The following CRYBG3 variants were observed in gnomAD, a reference collection of about 807,000 sequenced individuals.
CRYBG3 encodes very large A-kinase anchor protein.
A neutral mutation model predicts 244.2 loss-of-function variants in CRYBG3; 127 were observed. The ratio of observed to expected loss-of-function variants is 0.52; its 90% CI spans 0.45 to 0.60. CRYBG3 has a LOEUF of 0.60. Among genes scored for constraint, CRYBG3 ranks in the 20% least tolerant of loss-of-function variants. The probability of loss-of-function intolerance (pLI) is 0.00; values close to 1 mark genes in which losing one functional copy is unlikely to be tolerated. For synonymous variants in CRYBG3, 1,132 were observed against 1,195.8 expected, an observed-to-expected ratio of 0.95 and a Z score of 1.10; for missense variants, 3,325 against 3,442.5, an observed-to-expected ratio of 0.97 and a Z score of 0.85.
In CRYBG3 at chr3:97,875,138, T is replaced by C; in HGVS notation, c.3944T>C (p.Val1315Ala). ...GAATTAGTCAATGAGATTATTTATG[T>C]AGCCCAAGAAAAATTGAGAAATGAT... is the stretch of plus-strand genomic sequence containing the variant. Reference protein sequence around the residue: ...ARELVNEIIYVAQEKLRNDTF... With the variant: ...ARELVNEIIYAAQEKLRNDTF... Residue 1315 changes from valine to alanine, a missense_variant, in exon 4 of 22, where the codon GTA becomes GCA. By Grantham distance (64) the Val-to-Ala change is moderately conservative. This residue lies in a region of CRYBG3 where 635 missense variants were observed against 771.7 expected (regional missense o/e 0.82). Transcript: ENST00000389622. 6.5e-7 allele frequency: 1 copy of C among 1,535,248 alleles called. No homozygotes were observed.
intron 11 of CRYBG3, 43 bp downstream of exon 11, chr3:97,893,036 T>G: frequency 1.3e-6 from 2 of 1,552,644 alleles, no homozygotes; most frequent in Non-Finnish European, 1.7e-6. Context: ...AGTCTGTTTT[T>G]GAAGGTCAGC....
At position 97,900,475 on chromosome 3, in the gene CRYBG3, C is replaced by G; in HGVS notation, c.7994C>G (p.Pro2665Arg). 6.4e-7 allele frequency: 1 copy of G among 1,554,366 alleles called. No individual in the cohort carries two copies. ...IQLEPLGINE[P>R]PHLLKAFSKP... ...CAGGAACCACTTGGGATAAATGAAC[C>G]TCCGCATTTGGTATGTTTAAAAATA... The change falls in exon 15 of 22, where the codon CCT becomes CGT. Residue 2665 changes from proline to arginine, a missense_variant. By Grantham distance (103) the Pro-to-Arg change is moderately radical. Around this residue, in one of 4 missense-constraint regions of CRYBG3, gnomAD observed 714 missense variants for 803.6 expected, o/e 0.89. Coordinates refer to ENST00000389622, the MANE Select transcript of CRYBG3 (RefSeq NM_153605.4).
intron 15 of CRYBG3, among the ~76,000 whole-genome samples, chr3:97,910,583 G>A (rs2039858768): frequency 6.6e-6 from 1 of 152,186 alleles, no homozygotes. Context: ...TCCCAAGTGA[G>A]GCAATGCCTC....
chr3:97,877,376 C>T lies in CRYBG3; in HGVS notation c.6182C>T (p.Thr2061Ile). Residue 2061 changes from threonine (T) to isoleucine (I), a missense_variant, in exon 4 of 22, where the codon ACA becomes ATA. Physicochemically the swap from Thr to Ile is moderately conservative, Grantham distance 89. Coordinates refer to ENST00000389622, the MANE Select transcript of CRYBG3 (RefSeq NM_153605.4). The stretch of plus-strand genomic sequence containing the variant: ...GAAAAAGGTACTAAATTAGGTGAGA[C>T]ATTTGATAGTGATAGTTCAGAAATG... Reference protein sequence around the residue: ...HFEKGTKLGETFDSDSSEMFL... With the variant: ...HFEKGTKLGEIFDSDSSEMFL... 1 of 1,614,100 alleles carries T rather than the reference C, an allele frequency of 6.2e-7. No homozygotes were observed. The highest frequency in any genetic ancestry group is 1.7e-5 in the Admixed American group (1 of 60,008).
chr3:97,915,509 T>C (rs934507636), intron 16 of CRYBG3, 101 bp from the exon 17 acceptor site: 3 of 1,281,054 alleles, frequency 2.3e-6, no homozygotes, highest in Non-Finnish European at 2.1e-6. Context: ...TCTGCACCAC[T>C]TTCTATGCCC....
intron 2 of CRYBG3, among the ~76,000 whole-genome samples, chr3:97,861,740 G>A (rs76457633): frequency 0.015 from 2,325 of 152,204 alleles, 49 homozygotes; most frequent in African/African-American, 0.053. Flanking sequence ...TTGGCAGACA[G>A]ATATAGGGCC....
intron 2 of CRYBG3, among the ~76,000 whole-genome samples, chr3:97,862,556 A>C (rs1043639493): frequency 6.6e-6 from 1 of 152,176 alleles, no homozygotes; most frequent in Non-Finnish European, 1.5e-5. Flanking sequence ...TTAACAAAAA[A>C]TGTATATCTT....
chr3:97,913,780 AC>A (rs551278707), intron 16 of CRYBG3, among the ~76,000 whole-genome samples: 87 of 152,294 alleles, frequency 5.7e-4, no homozygotes, highest in Non-Finnish European at 9.3e-4. Flanking sequence ...ATTAATACTT[AC>A]GTTTAGGATA....
intron 15 of CRYBG3, among the ~76,000 whole-genome samples, chr3:97,902,334 G>C (rs1448641508): frequency 6.6e-6 from 1 of 152,086 alleles, no homozygotes; most frequent in African/African-American, 2.4e-5. Context: ...GAGTGTTATG[G>C]TGATTAAAAA....
chr3:97,828,007 T>G (rs979786097), intron 1 of CRYBG3, among the ~76,000 whole-genome samples: 1 of 152,174 alleles, frequency 6.6e-6, no homozygotes, highest in Admixed American at 6.5e-5. Flanking sequence ...AGAATTATAC[T>G]CCTGAGAGTT....
chr3:97,890,365 T>G lies in CRYBG3; in HGVS notation c.7440+975T>G, dbSNP rs140776370. On this transcript the variant is annotated intron_variant, in intron 10 of 21. Coordinates refer to ENST00000389622, the MANE Select transcript of CRYBG3 (RefSeq NM_153605.4). ...ACAATTAGCTGTGAAGCTGTCTGAA[T>G]GCCTTCTGTCTCAGTCTCCTAGTCT... 2.1e-3 allele frequency among the ~76,000 whole-genome samples: 323 copies of G among 152,338 alleles called. 1 individual carries two copies. The highest frequency in any genetic ancestry group is 7.2e-3 in the African/African-American group (301 of 41,584).
intron 7 of CRYBG3, among the ~76,000 whole-genome samples, chr3:97,881,946 C>T (rs1049987872): frequency 6.6e-6 from 1 of 150,578 alleles, no homozygotes; most frequent in Non-Finnish European, 1.5e-5. Context: ...CTGTGGCTCA[C>T]ACCTGTAATC....
intron 1 of CRYBG3, 139 bp from the exon 2 acceptor site, chr3:97,843,056 A>G (rs1353339282): frequency 5.6e-6 from 3 of 539,786 alleles, no homozygotes; most frequent in Non-Finnish European, 3.3e-6. Context: ...TCAAATCAAT[A>G]TATCCTTGGT....
At chr3:97,868,263 G>A (rs1200099872) in intron 3 of CRYBG3, among the ~76,000 whole-genome samples, 2 of 137,322 alleles carry the variant, frequency 1.5e-5, no homozygotes, top group South Asian at 2.3e-4. Context: ...CGACCTGGGC[G>A]AAAGAGCGAG....
intron 2 of CRYBG3, among the ~76,000 whole-genome samples, chr3:97,848,891 C>G (rs141929141): frequency 6.6e-6 from 1 of 152,362 alleles, no homozygotes; most frequent in East Asian, 1.9e-4. Flanking sequence ...GCACAGTTTT[C>G]CCTGTTGATG....
chr3:97,915,862 T>A (rs2039923442), intron 17 of CRYBG3, 126 bp downstream of exon 17: 2 of 759,964 alleles, frequency 2.6e-6, no homozygotes, highest in East Asian at 2.9e-5. Flanking sequence ...AAAATATGAA[T>A]AATTCATTTG....
At chr3:97,833,564 G>A (rs138397636) in intron 1 of CRYBG3, among the ~76,000 whole-genome samples, 151 of 152,130 alleles carry the variant, frequency 9.9e-4, no homozygotes, top group African/African-American at 3.5e-3. Flanking sequence ...GCCTGTTGTC[G>A]GGTTGTCAGG....
chr3:97,857,938 G>T (rs1196527174), intron 2 of CRYBG3, among the ~76,000 whole-genome samples: 1 of 151,878 alleles, frequency 6.6e-6, no homozygotes, highest in Non-Finnish European at 1.5e-5. Context: ...TCATGATGAG[G>T]TTTGATTACT....
rs1273691188 is a variant in CRYBG3, at chr3:97,877,321, G to A, written c.6127G>A (p.Glu2043Lys). 6.2e-7 allele frequency: 1 copy of A among 1,614,158 alleles called. No individual in the cohort carries two copies. Among genetic ancestry groups the A allele is most frequent in the East Asian group, 2.2e-5 (1 of 44,876 alleles). Residue 2043 changes from glutamate to lysine, a missense_variant, in exon 4 of 22, where the codon GAG becomes AAG. Around this residue, in one of 4 missense-constraint regions of CRYBG3, gnomAD observed 450 missense variants for 424.1 expected, o/e 1.06. Transcript: ENST00000389622. ...GCCTGTTCTGGCATGTGAAAGGTCTGAGAGTAGAACTGACCTTGTCCATCA... is the reference window on the plus strand; with the variant it reads ...GCCTGTTCTGGCATGTGAAAGGTCTAAGAGTAGAACTGACCTTGTCCATCA... ...SMPVLACERS[E>K]SRTDLVHHFE...
Sources: allele counts gnomAD v4.1 joint callset (sites outside exome capture counted in the v4.1 genomes callset), GRCh38; gene constraint gnomAD v4.1.1; regional missense constraint gnomAD v4.1.1; transcripts MANE v1.5; gene names NCBI Gene and HGNC (gene_info 2026-07-23, HGNC 2026-07-21).